Variants in MPP2 observed in about 807,000 individuals in gnomAD.
MPP2 encodes the protein MAGUK p55 scaffold protein 2.
MPP2 carries 42 observed loss-of-function variants against 58.5 expected under a neutral mutation model. The observed-to-expected ratio is 0.72, with a 90% CI of 0.56 to 0.93. The LOEUF is 0.93. MPP2 is among the 40% of genes least tolerant of loss of function. MPP2 has a pLI of 0.00. For synonymous variants in MPP2, 300 were observed against 307.8 expected (o/e 0.97, Z 0.26); for missense variants, 632 against 760.4 (o/e 0.83, Z 1.99).
chr17:43,889,908 G>A (rs8065209), intron 3 of MPP2, among the ~76,000 whole-genome samples: 7,443 of 147,268 alleles, frequency 0.051, 680 homozygotes, highest in African/African-American at 0.18. Flanking sequence ...CGTCTCCCGG[G>A]TTCACACCAT....
intron 1 of MPP2, chr17:43,907,160 G>C (rs1333904010): frequency 1.0e-6 from 1 of 984,916 alleles, no homozygotes; most frequent in Admixed American, 6.1e-5. Context: ...CCCCCAACCC[G>C]CACAGCCCCC....
At position 43,879,909 on chromosome 17, in the gene MPP2, G is replaced by C. The variant is rs1219848835; in HGVS notation, c.1226C>G (p.Ala409Gly). Reference sequence around the variant, plus strand: ...CAGGTAGCGCCCAGCACGGACGTCAGCCTCCATCTCCCCACGGGACACAAA... The same window carrying C: ...CAGGTAGCGCCCAGCACGGACGTCACCCTCCATCTCCCCACGGGACACAAA... ...YSFVSRGEMEADVRAGRYLEH... is the reference protein window; with the variant it reads ...YSFVSRGEMEGDVRAGRYLEH... Residue 409 changes from alanine (A) to glycine (G), a missense_variant, in exon 11 of 13, where the codon GCT becomes GGT. Ala to Gly is a moderately conservative substitution (Grantham distance 60). Transcript: ENST00000269095. The surrounding 1 kb of genome is among the most constrained non-coding windows in gnomAD (Gnocchi z 4.1). The C allele has an allele frequency of 8.1e-6, 13 of 1,614,082 alleles. No individual in the cohort carries two copies. The highest frequency in any genetic ancestry group is 1.1e-5 in the Non-Finnish European group (13 of 1,179,994).
intron 3 of MPP2, among the ~76,000 whole-genome samples, chr17:43,894,222 T>C (rs1322468275): frequency 1.3e-5 from 2 of 151,238 alleles, no homozygotes; most frequent in Admixed American, 6.6e-5. Context: ...ATCGAGACCA[T>C]CCTGGCCAAC....
rs145081746 is a variant in MPP2 at position 43,880,800 on chromosome 17, C to T, written c.1041G>A (p.Pro347=). The T allele has an allele frequency of 3.0e-5, 49 of 1,612,990 alleles. No homozygotes were observed. The highest frequency in any genetic ancestry group is 1.8e-4 in the Admixed American group (11 of 59,914). The change falls in exon 10 of 13, where the codon CCG becomes CCA. Residue 347 remains proline, a synonymous_variant. Coordinates refer to ENST00000269095, the MANE Select transcript of MPP2 (RefSeq NM_005374.5). The surrounding 1 kb of genome is among the most constrained non-coding windows in gnomAD (Gnocchi z 5.2). ...LIYEEVARMP[P]FRRKTLVLIG... The stretch of plus-strand genomic sequence containing the variant: ...TCAGTACCAGGGTTTTCCGGCGGAA[C>T]GGGGGCATGCGGGCCACCTCCTCAT...
At chr17:43,904,830 T>C (rs1038749595) in intron 1 of MPP2, among the ~76,000 whole-genome samples, 3 of 152,182 alleles carry the variant, frequency 2.0e-5, no homozygotes, top group Non-Finnish European at 4.4e-5. Flanking sequence ...CCTGTTGTAT[T>C]TTTTGTTTGT....
rs543449395 is a variant in MPP2 at position 43,906,746 on chromosome 17, G to C, written c.-34+728C>G. On this transcript the variant is annotated intron_variant, in intron 1 of 12. Transcript: ENST00000269095. ...CCTGGGCGCTAGGACCTGGGGGAGG[G>C]GGGCGTGTTGTGAGCCATCAAAGAA... Among the ~76,000 whole-genome samples the C allele has an allele frequency of 2.6e-5, 4 of 152,228 alleles. No homozygotes were observed. In the South Asian group the frequency reaches 8.3e-4, roughly 32 times the overall value.
At chr17:43,899,172 A>C (rs2047980453) in intron 2 of MPP2, among the ~76,000 whole-genome samples, 1 of 151,648 alleles carries the variant, frequency 6.6e-6, no homozygotes, top group Non-Finnish European at 1.5e-5. Flanking sequence ...GCTTGAACCC[A>C]GGAGGCGGAG....
intron 1 of MPP2, among the ~76,000 whole-genome samples, chr17:43,906,568 G>A (rs1047458941): frequency 2.0e-5 from 3 of 152,208 alleles, no homozygotes; most frequent in African/African-American, 7.2e-5. Context: ...GAGGTGCGGA[G>A]AAGAAAGGTC....
intron 2 of MPP2, among the ~76,000 whole-genome samples, chr17:43,904,053 C>T (rs756019677): frequency 7.2e-5 from 11 of 152,196 alleles, no homozygotes; most frequent in Non-Finnish European, 1.5e-4. Context: ...TGCTGTAATC[C>T]CTCCACCCCC....
In MPP2 at chr17:43,900,630, G is replaced by C. The variant is rs2048055728; in HGVS notation, c.32-2250C>G. The C allele has an allele frequency of 7.6e-6, 11 of 1,451,024 alleles. No individual in the cohort carries two copies. In the South Asian group the frequency reaches 9.9e-5, roughly 13 times the overall value. 89.9% of individuals were successfully genotyped at this position (1,451,024 alleles called of 1,614,324 possible). On this transcript the variant is annotated intron_variant, in intron 2 of 12. Coordinates refer to ENST00000269095, the MANE Select transcript of MPP2 (RefSeq NM_005374.5). ...CGCCTCCCCAGCCAAAGCCTGGCCG[G>C]GCTGGGGAAGGCGGGAGTCGAGGAG...
intron 2 of MPP2, 101 bp downstream of exon 2, chr17:43,904,329 A>G (rs1210630596): frequency 1.8e-6 from 2 of 1,081,906 alleles, no homozygotes; most frequent in African/African-American, 3.1e-5. Context: ...CAGTGGAGCC[A>G]GTTGGTTCTT....
rs1380054485 is a variant in MPP2, at chr17:43,898,382, TG to T, written c.32-3del. 2 of 1,611,354 alleles carry T rather than the reference TG, an allele frequency of 1.2e-6. No homozygotes were observed. Among genetic ancestry groups the T allele is most frequent in the Non-Finnish European group, 8.5e-7 (1 of 1,177,728 alleles). Reference sequence around the variant, plus strand: ...AGTTGTCCAGGACTTGCTGCATGGCTGGGGGAAGGTACGGGCAGTGAGATAC... The same window carrying T: ...AGTTGTCCAGGACTTGCTGCATGGCTGGGGAAGGTACGGGCAGTGAGATAC... On this transcript the variant is annotated splice_region_variant and splice_polypyrimidine_tract_variant and intron_variant, in intron 2 of 12. Transcript: ENST00000269095.
Position 43,879,383 on chromosome 17 carries a change from C to A in MPP2, c.1374G>T (p.Thr458=), listed in dbSNP as rs375785653. The change falls in exon 12 of 13, where the codon ACG becomes ACT. Residue 458 remains threonine (T), a synonymous_variant. Transcript: ENST00000269095. This position sits in a 1 kb window ranked among gnomAD's most constrained non-coding sequence, Gnocchi z 4.1. ...ACACCACGTAAGGGACAAACTCGGC[C>A]GTTCGTAGCACCTTCACCGCCTGCA... ...VNPQAVKVLR[T]AEFVPYVVFI... 1 of 1,614,134 alleles carries A rather than the reference C, an allele frequency of 6.2e-7. No individual in the cohort carries two copies. The highest frequency in any genetic ancestry group is 8.5e-7 in the Non-Finnish European group (1 of 1,180,008).
intron 12 of MPP2, among the ~76,000 whole-genome samples, chr17:43,878,835 C>CGCTGCCT (rs975576899): frequency 1.2e-4 from 19 of 152,330 alleles, no homozygotes; most frequent in South Asian, 4.1e-4. Flanking sequence ...CTCCTCCAGG[C>CGCTGCCT]GCTGCCTGCT....
At position 43,879,530 on chromosome 17, in the gene MPP2, G is replaced by A. The variant is rs530223490; in HGVS notation, c.1354-127C>T. ...GTGGATGAGAAAAGGGTGCCCGGGG[G>A]TCTGGGACATGAGTCCTGGGACAAA... On this transcript the variant is annotated intron_variant, in intron 11 of 12. Coordinates refer to ENST00000269095, the MANE Select transcript of MPP2 (RefSeq NM_005374.5). This position sits in a 1 kb window ranked among gnomAD's most constrained non-coding sequence, Gnocchi z 4.1. 13 of 1,237,398 alleles carry A rather than the reference G, an allele frequency of 1.1e-5. No homozygotes were observed. The highest frequency in any genetic ancestry group is 5.5e-5 in the South Asian group (4 of 72,960). The allele number at this position is 1,237,398 out of a possible 1,614,324, so 76.7% of individuals were successfully genotyped here. A position where few individuals can be genotyped will look rare whatever the true frequency, so the allele number is the denominator to read the frequency against.
In MPP2 at chr17:43,883,343, G is replaced by C; in HGVS notation, c.163C>G (p.Leu55Val). The C allele has an allele frequency of 6.2e-7, 1 of 1,611,550 alleles. No homozygotes were observed. Among genetic ancestry groups the C allele is most frequent in the Non-Finnish European group, 8.5e-7 (1 of 1,179,870 alleles). The change falls in exon 4 of 13, where the codon CTG becomes GTG. Residue 55 changes from leucine (L) to valine (V), a missense_variant. Leu to Val is a conservative substitution (Grantham distance 32). Transcript: ENST00000269095. ...ACGGCCTCCAGCTTCGTCTCCTCCA[G>C]CCTCTCATGGGCCTGGGGGTGGAAG... ...VRSLAKAHER[L>V]EETKLEAVRD...
intron 2 of MPP2, chr17:43,900,613 C>CA: frequency 3.4e-6 from 5 of 1,477,972 alleles, no homozygotes; most frequent in Non-Finnish European, 3.6e-6. Flanking sequence ...ACCGCCTCCC[C>CA]AGCCAAAGCC....
chr17:43,902,353 C>T (rs1567905154), intron 2 of MPP2, among the ~76,000 whole-genome samples: 1 of 152,206 alleles, frequency 6.6e-6, no homozygotes, highest in South Asian at 2.1e-4. Flanking sequence ...GCTCCTCCTC[C>T]TACGCCCCAG....
chr17:43,906,081 T>C (rs1016003902), intron 1 of MPP2: 3 of 984,716 alleles, frequency 3.0e-6, no homozygotes, highest in Non-Finnish European at 2.4e-6. Flanking sequence ...CTTGATGACC[T>C]GGAGCCTTCT....
Sources: gnomAD v4.1 joint callset for allele counts (sites outside exome capture counted in the v4.1 genomes callset) on GRCh38, gnomAD v4.1.1 for gene constraint, Gnocchi (gnomAD v3.1) non-coding constraint, MANE v1.5 for transcripts, NCBI Gene and HGNC (gene_info 2026-07-23, HGNC 2026-07-21) for gene names.